PRH1: variants seen among roughly 807,000 people sequenced by gnomAD.
PRH1 encodes the protein salivary acidic proline-rich phosphoprotein 1/2.
Under a neutral mutation model 7.9 loss-of-function variants are expected in PRH1, and 7 were observed. The ratio of observed to expected loss-of-function variants is 0.89; its 90% confidence interval spans 0.50 to 1.67. PRH1 has a LOEUF of 1.67. PRH1 is among the 40% of genes most tolerant of loss of function. PRH1 has a pLI of 0.00. For missense variants in PRH1, 109 were observed against 223.6 expected, an observed-to-expected ratio of 0.49 and a Z score of 3.27; for synonymous variants, 45 against 80.8, an observed-to-expected ratio of 0.56 and a Z score of 2.38.
intron 2 of PRH1, among the ~76,000 whole-genome samples, chr12:10,954,802 T>A (rs1298086580): frequency 1.3e-5 from 2 of 152,008 alleles, no homozygotes; most frequent in Non-Finnish European, 2.9e-5. Flanking sequence ...CATACAAAAC[T>A]GTCTTTAACC....
chr12:10,981,623 C>T (rs190886128), intron 1 of PRH1, among the ~76,000 whole-genome samples: 2 of 152,136 alleles, frequency 1.3e-5, no homozygotes, highest in East Asian at 1.9e-4. Context: ...GATCCAACCA[C>T]TCAGCCACCC....
intron 1 of PRH1, among the ~76,000 whole-genome samples, chr12:11,164,650 T>C (rs1378655362): frequency 2.0e-5 from 3 of 152,178 alleles, no homozygotes; most frequent in African/African-American, 7.2e-5. Flanking sequence ...AGCCTTCTAA[T>C]GTTTGTATAG....
chr12:10,975,400 G>A (rs1939041403), intron 1 of PRH1, among the ~76,000 whole-genome samples: 2 of 152,176 alleles, frequency 1.3e-5, no homozygotes, highest in African/African-American at 4.8e-5. Context: ...CACCAGCCGT[G>A]CCTCACAAGG....
intron 2 of PRH1, among the ~76,000 whole-genome samples, chr12:10,917,810 C>T (rs747021605): frequency 6.6e-6 from 1 of 152,154 alleles, no homozygotes; most frequent in Admixed American, 6.5e-5. Flanking sequence ...TGACTGAATT[C>T]GTGTTCATGG....
chr12:10,923,439 T>G (rs561479704), intron 2 of PRH1, among the ~76,000 whole-genome samples: 2 of 152,334 alleles, frequency 1.3e-5, no homozygotes, highest in African/African-American at 2.4e-5. Flanking sequence ...TTCGATGAAT[T>G]GTTTTATTCT....
intron 1 of PRH1, among the ~76,000 whole-genome samples, chr12:11,169,161 A>G (rs1452812354): frequency 6.6e-6 from 1 of 152,212 alleles, no homozygotes; most frequent in African/African-American, 2.4e-5. Flanking sequence ...TGTACAATCA[A>G]GCCATTTCCA....
chr12:11,083,190 A>G (rs1457793677), intron 1 of PRH1, among the ~76,000 whole-genome samples: 1 of 122,010 alleles, frequency 8.2e-6, no homozygotes, highest in Non-Finnish European at 1.9e-5. Flanking sequence ...TTGGAAATTC[A>G]CTACTTTCTG....
intron 1 of PRH1, among the ~76,000 whole-genome samples, chr12:11,110,142 C>G (rs369340217): frequency 7.9e-5 from 12 of 152,210 alleles, no homozygotes; most frequent in African/African-American, 2.9e-4. Context: ...AAGGAACAAA[C>G]AAAGCCTCAA....
intron 1 of PRH1, among the ~76,000 whole-genome samples, chr12:11,130,579 T>C (rs2136356264): frequency 6.6e-6 from 1 of 152,354 alleles, no homozygotes; most frequent in Non-Finnish European, 1.5e-5. Flanking sequence ...CTCTGGCCAC[T>C]GTGCCAGATG....
intron 1 of PRH1, among the ~76,000 whole-genome samples, chr12:11,156,317 T>A (rs1283739167): frequency 6.6e-6 from 1 of 152,234 alleles, no homozygotes; most frequent in African/African-American, 2.4e-5. Flanking sequence ...TTTGGTTTCC[T>A]GTAGCATTTA....
intron 2 of PRH1, among the ~76,000 whole-genome samples, chr12:10,893,006 G>C (rs1284092197): frequency 6.6e-6 from 1 of 152,164 alleles, no homozygotes; most frequent in Non-Finnish European, 1.5e-5. Context: ...GCTGGTGTGT[G>C]TGAAATCTTA....
upstream of PRH1, among the ~76,000 whole-genome samples, chr12:10,887,648 A>G (rs912024662): frequency 1.5e-4 from 23 of 151,554 alleles, no homozygotes; most frequent in Admixed American, 1.4e-3. Context: ...CAGCCTCCCA[A>G]GTAGCTGGGA....
chr12:11,008,178 G>C (rs1940911208), intron 1 of PRH1, among the ~76,000 whole-genome samples: 1 of 152,120 alleles, frequency 6.6e-6, no homozygotes, highest in Admixed American at 6.6e-5. Flanking sequence ...ATTTCTACAA[G>C]TTGTAACTAA....
chr12:10,980,706 C>A (rs1005892380), intron 1 of PRH1, among the ~76,000 whole-genome samples: 1 of 152,060 alleles, frequency 6.6e-6, no homozygotes, highest in Non-Finnish European at 1.5e-5. Context: ...GAACTGAGAC[C>A]TTGGGCAGTG....
intron 1 of PRH1, among the ~76,000 whole-genome samples, chr12:11,027,409 C>T (rs1941969247): frequency 6.6e-6 from 1 of 151,438 alleles, no homozygotes; most frequent in Non-Finnish European, 1.5e-5. Flanking sequence ...GATTCAGGGA[C>T]CTACAGCATA....
intron 1 of PRH1, among the ~76,000 whole-genome samples, chr12:11,055,006 A>G (rs907354333): frequency 3.4e-5 from 5 of 148,570 alleles, no homozygotes; most frequent in East Asian, 2.0e-4. Flanking sequence ...TCTTGCCTCA[A>G]CCTCCGGAGT....
At chr12:11,059,465 T>G (rs1406052629) in intron 1 of PRH1, among the ~76,000 whole-genome samples, 2 of 152,186 alleles carry the variant, frequency 1.3e-5, no homozygotes, top group African/African-American at 4.8e-5. Context: ...GGTTACTAAC[T>G]CAATTTTTAA....
chr12:11,025,447 A>G (rs1186383784), intron 1 of PRH1, among the ~76,000 whole-genome samples: 2 of 21,474 alleles, frequency 9.3e-5, no homozygotes, highest in Non-Finnish European at 4.7e-4. Context: ...GTTCTTTTCA[A>G]CATACTCTAT....
chr12:10,950,920 A>G (rs1591718333), intron 2 of PRH1, among the ~76,000 whole-genome samples: 1 of 152,140 alleles, frequency 6.6e-6, no homozygotes, highest in South Asian at 2.1e-4. Flanking sequence ...GGGCAAGCCC[A>G]GTATCACTGG....
Sources: allele counts gnomAD v4.1 joint callset (sites outside exome capture counted in the v4.1 genomes callset), GRCh38; gene constraint gnomAD v4.1.1; transcripts MANE v1.5; gene names NCBI Gene and HGNC (gene_info 2026-07-23, HGNC 2026-07-21).